The following NID1 variants were observed in gnomAD, a reference collection of about 807,000 sequenced individuals.
NID1 encodes nidogen-1.
A neutral mutation model predicts 130.6 loss-of-function variants in NID1; 76 were observed. The ratio of observed to expected loss-of-function variants is 0.58; its 90% CI spans 0.48 to 0.70. NID1 has a LOEUF of 0.70. Among genes scored for constraint, NID1 ranks in the 30% least tolerant of loss-of-function variants. The pLI, the probability that NID1 is intolerant of heterozygous loss-of-function variation, is 0.00. For missense variants in NID1, 1,517 were observed against 1,664.8 expected, an observed-to-expected ratio of 0.91 and a Z score of 1.54; for synonymous variants, 665 against 675.1, an observed-to-expected ratio of 0.98 and a Z score of 0.23.
At chr1:236,005,421 CAA>C (rs1658221033) in intron 12 of NID1, among the ~76,000 whole-genome samples, 1 of 152,158 alleles carries the variant, frequency 6.6e-6, no homozygotes, top group African/African-American at 2.4e-5. Context: ...ACACAACTCT[CAA>C]GATATTTGAA....
chr1:236,003,210 C>T (rs115406263), intron 12 of NID1, among the ~76,000 whole-genome samples: 1,218 of 106,432 alleles, frequency 0.011, 48 homozygotes, highest in East Asian at 0.031. Context: ...TCCTAGTGAA[C>T]GACCGGTAGT....
intron 12 of NID1, among the ~76,000 whole-genome samples, chr1:236,009,002 A>C (rs974863789): frequency 6.6e-6 from 1 of 152,208 alleles, no homozygotes; most frequent in African/African-American, 2.4e-5. Context: ...ATTTAGAATA[A>C]TATGATGAAA....
chr1:236,023,772 A>G (rs939202327), intron 9 of NID1, among the ~76,000 whole-genome samples: 2 of 152,190 alleles, frequency 1.3e-5, no homozygotes, highest in African/African-American at 2.4e-5. Flanking sequence ...TACTGGTGTT[A>G]TCATTAACAG....
At chr1:235,987,434 T>C (rs769161081) in intron 14 of NID1, among the ~76,000 whole-genome samples, 27 of 152,210 alleles carry the variant, frequency 1.8e-4, no homozygotes, top group Non-Finnish European at 3.4e-4. Flanking sequence ...AGGTGAAAGG[T>C]ACACAGGACC....
chr1:236,056,714 C>T (rs913311259), intron 1 of NID1, among the ~76,000 whole-genome samples: 2 of 152,092 alleles, frequency 1.3e-5, no homozygotes, highest in African/African-American at 4.8e-5. Context: ...TTTCTTCCTT[C>T]CCCAGACTTT....
Position 235,993,795 on chromosome 1 carries a change from T to A in NID1, c.2605A>T (p.Ile869Phe), listed in dbSNP as rs756107756. 6.2e-7 allele frequency: 1 copy of A among 1,614,178 alleles called. No homozygotes were observed. Among genetic ancestry groups the A allele is most frequent in the Non-Finnish European group, 8.5e-7 (1 of 1,180,012 alleles). Reference sequence around the variant, plus strand: ...TCAGGAACGAACAGCCCCGGAGGAATGGGTCGCTGTGGGTCTGTCGCCCCC... The same window carrying A: ...TCAGGAACGAACAGCCCCGGAGGAAAGGGTCGCTGTGGGTCTGTCGCCCCC... Reference protein sequence around the residue: ...AAGATDPQRPIPPGLFVPECD... With the variant: ...AAGATDPQRPFPPGLFVPECD... Residue 869 changes from isoleucine to phenylalanine, a missense_variant, in exon 13 of 20, where the codon ATT becomes TTT. Coordinates refer to ENST00000264187, the MANE Select transcript of NID1 (RefSeq NM_002508.3).
At chr1:236,056,170 C>A (rs974392834) in intron 1 of NID1, among the ~76,000 whole-genome samples, 6 of 152,128 alleles carry the variant, frequency 3.9e-5, no homozygotes, top group Non-Finnish European at 7.3e-5. Flanking sequence ...AAATGTAAAA[C>A]CTGAAACTAT....
chr1:236,061,292 T>C (rs1469748982), intron 1 of NID1, among the ~76,000 whole-genome samples: 1 of 152,188 alleles, frequency 6.6e-6, no homozygotes, highest in East Asian at 1.9e-4. Flanking sequence ...CGTAGCTCAG[T>C]TGCTGCTCAC....
intron 5 of NID1, 78 bp from the exon 6 acceptor site, chr1:236,032,730 G>A: frequency 2.6e-6 from 4 of 1,531,134 alleles, no homozygotes; most frequent in Non-Finnish European, 3.5e-6. Flanking sequence ...TGTAGGACCT[G>A]TACCTATTGG....
intron 1 of NID1, among the ~76,000 whole-genome samples, chr1:236,056,993 T>C (rs561901485): frequency 1.3e-5 from 2 of 152,308 alleles, no homozygotes; most frequent in South Asian, 4.1e-4. Flanking sequence ...ACACGATGGC[T>C]CATGCCTATA....
intron 1 of NID1, among the ~76,000 whole-genome samples, chr1:236,054,766 C>T (rs1032761058): frequency 4.9e-4 from 74 of 151,548 alleles, no homozygotes; most frequent in Non-Finnish European, 9.3e-4. Context: ...CTCAGCCTCC[C>T]GAGTAGCTGG....
rs151044990 is a variant in NID1, at chr1:236,004,898, C to T, written c.2527+7023G>A. On this transcript the variant is annotated intron_variant, in intron 12 of 19. Coordinates refer to ENST00000264187, the MANE Select transcript of NID1 (RefSeq NM_002508.3). Reference sequence around the variant, plus strand: ...GATCAAACTTAAGCAGGATGGAGCCCGGCACGGTGGCTCACGCCTGTAATC... The same window carrying T: ...GATCAAACTTAAGCAGGATGGAGCCTGGCACGGTGGCTCACGCCTGTAATC... 2.9e-3 allele frequency among the ~76,000 whole-genome samples: 443 copies of T among 151,624 alleles called. 4 individuals are homozygous for T. The highest frequency in any genetic ancestry group is 0.01 in the African/African-American group (432 of 41,376).
In NID1 at chr1:236,009,324, A is replaced by G. The variant is rs375433789; in HGVS notation, c.2527+2597T>C. Among the ~76,000 whole-genome samples, 11 of 152,352 alleles carry G rather than the reference A, an allele frequency of 7.2e-5. No homozygotes were observed. The East Asian group carries it at 1.2e-3, about 16-fold the overall frequency. Reference sequence around the variant, plus strand: ...GGAAGTGAGCCTTCGCCAGACACTCAACTTCTCAGCACGTCGATCTCAGAC... The same window carrying G: ...GGAAGTGAGCCTTCGCCAGACACTCGACTTCTCAGCACGTCGATCTCAGAC... On this transcript the variant is annotated intron_variant, in intron 12 of 19. Transcript: ENST00000264187.
chr1:235,985,365 A>G lies in NID1; in HGVS notation c.3055+14T>C. ...AGCAAAACCAAAAAGGAAAAATGAT[A>G]TTTGCTTACTTACCTTGTCTAATGA... On this transcript the variant is annotated intron_variant, in intron 15 of 19. Transcript: ENST00000264187. 9.9e-6 allele frequency: 16 copies of G among 1,613,842 alleles called. No individual in the cohort carries two copies. The highest frequency in any genetic ancestry group is 1.4e-5 in the Non-Finnish European group (16 of 1,179,856).
At chr1:236,038,333 C>A in intron 4 of NID1, 80 bp from the exon 5 acceptor site, 1 of 1,497,010 alleles carries the variant, frequency 6.7e-7, no homozygotes, top group South Asian at 1.3e-5. Flanking sequence ...TAGGCACCCT[C>A]AAGCACTGCA....
chr1:236,057,735 A>G (rs1027716677), intron 1 of NID1, among the ~76,000 whole-genome samples: 1 of 152,006 alleles, frequency 6.6e-6, no homozygotes, highest in Admixed American at 6.6e-5. Context: ...AAGAAAGAAA[A>G]AGAGAGAGAG....
At chr1:236,010,459 A>G (rs1433913156) in intron 12 of NID1, among the ~76,000 whole-genome samples, 1 of 152,026 alleles carries the variant, frequency 6.6e-6, no homozygotes, top group African/African-American at 2.4e-5. Flanking sequence ...CACCACACCC[A>G]GCTAATTTTT....
At chr1:236,006,530 T>G (rs1658253289) in intron 12 of NID1, among the ~76,000 whole-genome samples, 1 of 152,114 alleles carries the variant, frequency 6.6e-6, no homozygotes, top group Admixed American at 6.6e-5. Flanking sequence ...ACTACAGATC[T>G]AAAGGCATGG....
chr1:236,051,530 T>C (rs1659763865), intron 1 of NID1, among the ~76,000 whole-genome samples: 2 of 152,162 alleles, frequency 1.3e-5, no homozygotes, highest in South Asian at 2.1e-4. Flanking sequence ...GGCTATTAAC[T>C]CTTTGGGTGA....
Sources: allele counts gnomAD v4.1 joint callset (sites outside exome capture counted in the v4.1 genomes callset), GRCh38; gene constraint gnomAD v4.1.1; transcripts MANE v1.5; gene names NCBI Gene and HGNC (gene_info 2026-07-23, HGNC 2026-07-21).